The following KIAA0825 variants were observed in gnomAD, a reference collection of about 807,000 sequenced individuals.
KIAA0825 encodes KIAA0825.
A neutral mutation model predicts 147.6 loss-of-function variants in KIAA0825; 119 were observed. That is an observed-to-expected ratio of 0.81 (90% CI 0.69 to 0.94). The LOEUF (loss-of-function observed/expected upper bound fraction) is 0.94, where lower values mean the gene tolerates loss of function less well. Among genes scored for constraint, KIAA0825 ranks in the 40% least tolerant of loss-of-function variants. KIAA0825 has a pLI of 0.00. For synonymous variants in KIAA0825, 470 were observed against 518.1 expected (o/e 0.91, Z 1.26); for missense variants, 1,381 against 1,472.7 (o/e 0.94, Z 1.02).
intron 20 of KIAA0825, among the ~76,000 whole-genome samples, chr5:94,174,598 C>T (rs897594926): frequency 3.9e-5 from 6 of 152,046 alleles, no homozygotes; most frequent in African/African-American, 1.2e-4. Flanking sequence ...TAAAAATGTA[C>T]GTGATACTAT....
chr5:94,251,660 C>T (rs1212829854), intron 20 of KIAA0825, among the ~76,000 whole-genome samples: 2 of 152,056 alleles, frequency 1.3e-5, no homozygotes, highest in Non-Finnish European at 2.9e-5. Context: ...GCTATCTTTA[C>T]ATGCAAAAGT....
chr5:94,344,424 C>T (rs1197990840), intron 20 of KIAA0825, among the ~76,000 whole-genome samples: 2 of 152,060 alleles, frequency 1.3e-5, no homozygotes, highest in Non-Finnish European at 2.9e-5. Context: ...CAATTGTTGG[C>T]AAGGATCTGG....
At chr5:94,409,977 A>C (rs1028437951) in intron 15 of KIAA0825, among the ~76,000 whole-genome samples, 1 of 152,198 alleles carries the variant, frequency 6.6e-6, no homozygotes, top group African/African-American at 2.4e-5. Flanking sequence ...AAGAAATATG[A>C]TCCATAATCA....
chr5:94,332,139 C>T (rs1292867289), intron 20 of KIAA0825, among the ~76,000 whole-genome samples: 11 of 134,250 alleles, frequency 8.2e-5, no homozygotes, highest in South Asian at 2.4e-4. Flanking sequence ...CCAGCCTGGG[C>T]GACAGACTGA....
chr5:94,494,413 C>A (rs2151087869), intron 5 of KIAA0825, among the ~76,000 whole-genome samples: 1 of 137,868 alleles, frequency 7.3e-6, no homozygotes, highest in Non-Finnish European at 1.5e-5. Flanking sequence ...AGATGCTAAT[C>A]AAAGAATGGC....
intron 16 of KIAA0825, among the ~76,000 whole-genome samples, chr5:94,398,988 C>T (rs547337058): frequency 6.6e-6 from 1 of 152,170 alleles, no homozygotes; most frequent in African/African-American, 2.4e-5. Flanking sequence ...ACTTAAGAAT[C>T]ATTTTAAAAA....
chr5:94,231,108 C>T (rs1024211477), intron 20 of KIAA0825, among the ~76,000 whole-genome samples: 3 of 151,958 alleles, frequency 2.0e-5, no homozygotes, highest in Admixed American at 6.6e-5. Flanking sequence ...GAAATTTTTC[C>T]GTTCAGGATG....
intron 18 of KIAA0825, among the ~76,000 whole-genome samples, chr5:94,388,273 G>T (rs1342664707): frequency 6.6e-6 from 1 of 152,088 alleles, no homozygotes; most frequent in Non-Finnish European, 1.5e-5. Flanking sequence ...ACACTATCCC[G>T]CCACTCACCT....
intron 20 of KIAA0825, among the ~76,000 whole-genome samples, chr5:94,361,097 T>C (rs561114422): frequency 1.4e-4 from 21 of 152,338 alleles, no homozygotes; most frequent in African/African-American, 4.8e-4. Context: ...ACATTCAGCG[T>C]AGAAAACACT....
chr5:94,512,937 T>A (rs937060093), intron 5 of KIAA0825, among the ~76,000 whole-genome samples: 1 of 152,174 alleles, frequency 6.6e-6, no homozygotes, highest in African/African-American at 2.4e-5. Flanking sequence ...TAGATAATTT[T>A]AAGAGGGTAA....
chr5:94,345,362 A>G (rs1000581945), intron 20 of KIAA0825, among the ~76,000 whole-genome samples: 2 of 152,170 alleles, frequency 1.3e-5, no homozygotes, highest in African/African-American at 2.4e-5. Context: ...AGGAACATAC[A>G]TGTTCCTAGA....
rs1000244447 is a variant in KIAA0825 at position 94,194,096 on chromosome 5, G to A, written c.3711-39972C>T. Among the ~76,000 whole-genome samples the A allele has an allele frequency of 9.2e-5, 14 of 152,116 alleles. 1 individual carries two copies. Among genetic ancestry groups the A allele is most frequent in the Non-Finnish European group, 1.5e-5 (1 of 68,024 alleles). On this transcript the variant is annotated intron_variant, in intron 20 of 20. Coordinates refer to ENST00000682413, the MANE Select transcript of KIAA0825 (RefSeq NM_001145678.3). ...GGTCAATTTCCCTCCCTAGACAAAG[G>A]TTCTCCTTCCAGGGCTCACTTTGGA...
intron 1 of KIAA0825, among the ~76,000 whole-genome samples, chr5:94,599,859 G>A (rs1786038002): frequency 6.6e-6 from 1 of 152,084 alleles, no homozygotes; most frequent in African/African-American, 2.4e-5. Flanking sequence ...GGAGCTCAGA[G>A]GAATGTAATC....
chr5:94,442,968 G>C (rs1757270583), intron 13 of KIAA0825, among the ~76,000 whole-genome samples: 1 of 152,094 alleles, frequency 6.6e-6, no homozygotes, highest in Non-Finnish European at 1.5e-5. Context: ...TGGATTGGAG[G>C]TGGTTGGTGT....
chr5:94,531,295 GAGTA>G (rs1298717674), intron 3 of KIAA0825, among the ~76,000 whole-genome samples: 6 of 152,228 alleles, frequency 3.9e-5, no homozygotes, highest in Non-Finnish European at 7.4e-5. Flanking sequence ...ACGGAGAAAG[GAGTA>G]AGTATCACCA....
chr5:94,169,994 G>T (rs549634752), intron 20 of KIAA0825, among the ~76,000 whole-genome samples: 1 of 152,096 alleles, frequency 6.6e-6, no homozygotes, highest in Non-Finnish European at 1.5e-5. Flanking sequence ...TTACCCATAA[G>T]GGTACATCTC....
intron 6 of KIAA0825, among the ~76,000 whole-genome samples, chr5:94,483,111 A>AT (rs1374816122): frequency 6.6e-6 from 1 of 151,898 alleles, no homozygotes; most frequent in Non-Finnish European, 1.5e-5. Context: ...CAAAATTGTT[A>AT]TTTTCTCTAA....
chr5:94,158,074 G>A (rs1436963262), intron 20 of KIAA0825, among the ~76,000 whole-genome samples: 1 of 152,122 alleles, frequency 6.6e-6, no homozygotes, highest in Non-Finnish European at 1.5e-5. Flanking sequence ...ACAGGCCCTA[G>A]AATCACTCTG....
At position 94,271,014 on chromosome 5, in the gene KIAA0825, T is replaced by C. The variant is rs139135914; in HGVS notation, c.3710+113354A>G. 3.2e-4 allele frequency among the ~76,000 whole-genome samples: 49 copies of C among 152,264 alleles called. 1 individual carries two copies. In the East Asian group the frequency reaches 8.5e-3, roughly 26 times the overall value. The stretch of plus-strand genomic sequence containing the variant: ...TGCATTGGAGAAGAAAAATGTATTT[T>C]TTTAGAAAAATGTATTAATAGAAGT... On this transcript the variant is annotated intron_variant, in intron 20 of 20. Coordinates refer to ENST00000682413, the MANE Select transcript of KIAA0825 (RefSeq NM_001145678.3).
Sources: gnomAD v4.1 joint callset for allele counts (sites outside exome capture counted in the v4.1 genomes callset) on GRCh38, gnomAD v4.1.1 for gene constraint, MANE v1.5 for transcripts, NCBI Gene and HGNC (gene_info 2026-07-23, HGNC 2026-07-21) for gene names.